Variants in NLGN4X observed in about 807,000 individuals in gnomAD.
NLGN4X encodes neuroligin-4, X-linked.
A neutral mutation model predicts 40.3 loss-of-function variants in NLGN4X; 3 were observed. The ratio of observed to expected loss-of-function variants is 0.07; its 90% confidence interval spans 0.03 to 0.19. NLGN4X has a LOEUF of 0.19. Ranked by LOEUF, NLGN4X falls within the 10% of genes least tolerant of loss-of-function variation. The pLI is 1.00. For synonymous variants in NLGN4X, 270 were observed against 306.8 expected, an observed-to-expected ratio of 0.88 and a Z score of 1.25; for missense variants, 382 against 708.3, an observed-to-expected ratio of 0.54 and a Z score of 5.23.
At chrX:6,076,072 T>C (rs2038187571) in intron 2 of NLGN4X, among the ~76,000 whole-genome samples, 1 of 111,499 alleles carries the variant, frequency 9.0e-6, no homozygotes, top group Non-Finnish European at 1.9e-5. Context: ...CACGCCCCCC[T>C]CTTCCCACAT....
At chrX:5,930,079 G>A (rs966869919) in intron 3 of NLGN4X, among the ~76,000 whole-genome samples, 18 of 111,646 alleles carry the variant, frequency 1.6e-4, no homozygotes, top group African/African-American at 5.5e-4. Flanking sequence ...AGAAGGATGG[G>A]GAGAAGGTCA....
chrX:6,049,281 A>G (rs370230589), intron 2 of NLGN4X, among the ~76,000 whole-genome samples: 112 of 67,229 alleles, frequency 1.7e-3, no homozygotes, highest in African/African-American at 5.7e-3. Context: ...GGAGGAAAAA[A>G]ACAGCAGGTA....
chrX:6,193,590 T>C (rs1922781013), intron 1 of NLGN4X, among the ~76,000 whole-genome samples: 1 of 111,477 alleles, frequency 9.0e-6, no homozygotes, highest in South Asian at 3.8e-4. Context: ...TTATGGGTAG[T>C]TACAAGAACT....
chrX:6,090,895 C>T (rs940564792), intron 2 of NLGN4X, among the ~76,000 whole-genome samples: 20 of 102,632 alleles, frequency 1.9e-4, no homozygotes, highest in African/African-American at 7.8e-4. Flanking sequence ...ACAACAAAGA[C>T]GGGGTGATCA....
At chrX:5,908,083 A>AG (rs2032297463) in intron 4 of NLGN4X, among the ~76,000 whole-genome samples, 1 of 88,191 alleles carries the variant, frequency 1.1e-5, no homozygotes, top group Non-Finnish European at 2.2e-5. Context: ...CAGTGGAAGG[A>AG]GGGGGAGAGA....
At chrX:5,982,838 A>G (rs1411882030) in intron 3 of NLGN4X, among the ~76,000 whole-genome samples, 1 of 112,159 alleles carries the variant, frequency 8.9e-6, no homozygotes, top group Non-Finnish European at 1.9e-5. Flanking sequence ...AGCCTGGATG[A>G]CACAGTAAGA....
chrX:5,938,331 G>A (rs1431720596), intron 3 of NLGN4X, among the ~76,000 whole-genome samples: 2 of 110,944 alleles, frequency 1.8e-5, no homozygotes, highest in Non-Finnish European at 3.8e-5. Flanking sequence ...CATTATTAGG[G>A]ACAGTGATCA....
chrX:5,927,969 T>C (rs764259095), intron 3 of NLGN4X, among the ~76,000 whole-genome samples: 14 of 112,345 alleles, frequency 1.2e-4, no homozygotes, highest in African/African-American at 4.5e-4. Flanking sequence ...ATATGGTTAA[T>C]ATTTGGGGCT....
rs772619986 is a variant in NLGN4X, at chrX:5,903,133, G to A, written c.1545C>T (p.Asn515=). 12 of 1,210,513 alleles carry A rather than the reference G, an allele frequency of 9.9e-6. No individual in the cohort carries two copies. Among genetic ancestry groups the A allele is most frequent in the Admixed American group, 6.5e-5 (3 of 45,916 alleles). Residue 515 remains asparagine (N), a synonymous_variant, in exon 5 of 6, where the codon AAC becomes AAT. Transcript: ENST00000381095. ...TGACCACGGCGCTGAGCATGACGTC[G>A]TTCTTGGAAAAGTTACAACTGAAGA... ...TELFSCNFSK[N]DVMLSAVVMT... is the part of the protein sequence containing the mutation.
At chrX:5,927,227 C>T (rs531105974) in intron 3 of NLGN4X, among the ~76,000 whole-genome samples, 1 of 111,530 alleles carries the variant, frequency 9.0e-6, no homozygotes, top group South Asian at 3.8e-4. Flanking sequence ...AAATGGGATA[C>T]AGAAAGACAG....
intron 3 of NLGN4X, among the ~76,000 whole-genome samples, chrX:5,961,940 T>A (rs910742401): frequency 1.8e-5 from 2 of 112,276 alleles, no homozygotes; most frequent in African/African-American, 6.5e-5. Flanking sequence ...CTCTCTACGA[T>A]ATGTGATAAG....
At chrX:6,205,562 T>TGTA (rs776894169) in intron 1 of NLGN4X, among the ~76,000 whole-genome samples, 13 of 112,705 alleles carry the variant, frequency 1.2e-4, no homozygotes, top group Admixed American at 1.0e-3. Context: ...CAGGGAAAGA[T>TGTA]GTAGTGTTTG....
At chrX:5,908,943 G>T in intron 4 of NLGN4X, 111 bp downstream of exon 4, 1 of 857,998 alleles carries the variant, frequency 1.2e-6, no homozygotes, top group African/African-American at 2.0e-5. Flanking sequence ...GGCATTTTCT[G>T]TTGCCAGAGT....
At chrX:5,976,815 G>C (rs755713248) in intron 3 of NLGN4X, among the ~76,000 whole-genome samples, 2 of 112,907 alleles carry the variant, frequency 1.8e-5, no homozygotes, top group Non-Finnish European at 3.7e-5. Flanking sequence ...AGTTTACAGA[G>C]ACAAGCCCTA....
intron 2 of NLGN4X, among the ~76,000 whole-genome samples, chrX:6,101,366 C>A (rs962968703): frequency 2.7e-5 from 3 of 111,740 alleles, no homozygotes; most frequent in African/African-American, 9.8e-5. Flanking sequence ...TATCCACACC[C>A]CCATGTTTGT....
At chrX:6,106,068 G>A (rs1252002033) in intron 2 of NLGN4X, among the ~76,000 whole-genome samples, 1 of 111,507 alleles carries the variant, frequency 9.0e-6, no homozygotes, top group African/African-American at 3.3e-5. Context: ...AGCACCCTCA[G>A]AGGAATATGG....
intron 2 of NLGN4X, among the ~76,000 whole-genome samples, chrX:6,115,244 AT>A (rs1047633254): frequency 5.4e-5 from 6 of 111,711 alleles, no homozygotes; most frequent in Non-Finnish European, 1.1e-4. Flanking sequence ...TTTAAGAGAC[AT>A]TTATTCTTAG....
intron 3 of NLGN4X, among the ~76,000 whole-genome samples, chrX:6,024,697 G>A (rs2036642850): frequency 9.0e-6 from 1 of 111,337 alleles, no homozygotes; most frequent in African/African-American, 3.3e-5. Flanking sequence ...CATGCTAAAA[G>A]ACCCTTCCAC....
intron 5 of NLGN4X, among the ~76,000 whole-genome samples, chrX:5,897,338 T>C (rs1178637441): frequency 1.8e-5 from 2 of 111,818 alleles, no homozygotes; most frequent in Non-Finnish European, 1.9e-5. Flanking sequence ...CTGAATTTCA[T>C]TGATCAGCTT....
Sources: gnomAD v4.1 joint callset for allele counts (sites outside exome capture counted in the v4.1 genomes callset) on GRCh38, gnomAD v4.1.1 for gene constraint, MANE v1.5 for transcripts, NCBI Gene and HGNC (gene_info 2026-07-23, HGNC 2026-07-21) for gene names.